Variants in PMPCB observed in about 807,000 individuals in gnomAD.
The protein encoded by PMPCB is peptidase, mitochondrial processing subunit beta.
A neutral mutation model predicts 61.5 loss-of-function variants in PMPCB; 46 were observed. That is an observed-to-expected ratio of 0.75 (90% CI 0.59 to 0.96). The LOEUF (loss-of-function observed/expected upper bound fraction) is 0.96. PMPCB is among the 40% of genes least tolerant of loss of function. The probability of loss-of-function intolerance (pLI) is 0.00; values close to 1 mark genes in which losing one functional copy is unlikely to be tolerated. For synonymous variants in PMPCB, 191 were observed against 201.6 expected (o/e 0.95, Z 0.44); for missense variants, 590 against 602.4 (o/e 0.98, Z 0.22).
chr7:103,325,909 A>C (rs1412418585), intron 12 of PMPCB, among the ~76,000 whole-genome samples: 1 of 152,234 alleles, frequency 6.6e-6, no homozygotes, highest in Non-Finnish European at 1.5e-5. Context: ...CCGATTGATA[A>C]AGAGGAAATC....
intron 3 of PMPCB, 44 bp downstream of exon 3, chr7:103,299,573 A>G: frequency 9.0e-7 from 1 of 1,105,388 alleles, no homozygotes; most frequent in Non-Finnish European, 1.4e-6. Flanking sequence ...TTTAAGAGAT[A>G]ATAAGCACAA....
the PMPCB span, among the ~76,000 whole-genome samples, chr7:103,345,586 CAATT>C: frequency 1.0e-4 from 15 of 150,356 alleles, no homozygotes; most frequent in Non-Finnish European, 2.2e-4. Flanking sequence ...TATATTTTCA[CAATT>C]AAAGTTTTTA....
chr7:103,326,036 T>C (rs928660484), intron 12 of PMPCB, among the ~76,000 whole-genome samples: 2 of 152,042 alleles, frequency 1.3e-5, no homozygotes, highest in African/African-American at 4.8e-5. Context: ...CTCAGTGTAG[T>C]GGCATGACCT....
At chr7:103,319,643 G>A, downstream of PMPCB, 1 of 1,613,930 alleles carries the variant, frequency 6.2e-7, no homozygotes, top group Non-Finnish European at 8.5e-7. Flanking sequence ...TACTTCTTTT[G>A]TGCATGATGT....
chr7:103,327,643 A>G (rs1818777188), intron 12 of PMPCB: 1 of 1,536,282 alleles, frequency 6.5e-7, no homozygotes, highest in Non-Finnish European at 9.0e-7. Flanking sequence ...CTGACTCTAA[A>G]GCATTTTCTT....
chr7:103,308,939 T>A lies in PMPCB; in HGVS notation c.850-13T>A. 1 of 1,548,754 alleles carries A rather than the reference T, an allele frequency of 6.5e-7. No individual in the cohort carries two copies. Among genetic ancestry groups the A allele is most frequent in the Non-Finnish European group, 8.7e-7 (1 of 1,146,952 alleles). On this transcript the variant is annotated splice_polypyrimidine_tract_variant and intron_variant, in intron 7 of 12. Coordinates refer to ENST00000249269, the MANE Select transcript of PMPCB (RefSeq NM_004279.3). ...AATCTTAACTAGAGGTCCTCCTGCT[T>A]TATCTTAACTAGATTCGTGTGAGGG...
In PMPCB at chr7:103,307,685, C is replaced by A. The variant is rs774080956; in HGVS notation, c.826C>A (p.Pro276Thr). Residue 276 changes from proline to threonine, a missense_variant, in exon 7 of 13, where the codon CCC (proline) becomes ACC (threonine). Transcript: ENST00000249269. ...CAAAGGAGAAATACCAGCTCTGCCT[C>A]CCTGCAAATTCACAGGAAGTGAGGT... Reference protein sequence around the residue: ...THKGEIPALPPCKFTGSEIRV... With the variant: ...THKGEIPALPTCKFTGSEIRV... 6.2e-7 allele frequency: 1 copy of A among 1,610,026 alleles called. No homozygotes were observed. The highest frequency in any genetic ancestry group is 1.1e-5 in the South Asian group (1 of 90,972).
the PMPCB span, among the ~76,000 whole-genome samples, chr7:103,338,409 G>A: frequency 6.6e-6 from 1 of 150,584 alleles, no homozygotes; most frequent in Non-Finnish European, 1.5e-5. Context: ...CAATTCTCCT[G>A]CCTCAGCCTT....
intron 12 of PMPCB, chr7:103,320,734 ACT>A (rs1563459793): frequency 7.5e-6 from 1 of 132,494 alleles, no homozygotes; most frequent in East Asian, 2.1e-4. Context: ...ACAGAGCAAG[ACT>A]CTGTCACAAA....
Position 103,312,566 on chromosome 7 carries a change from T to C in PMPCB, c.*295T>C, listed in dbSNP as rs767578478. The C allele has an allele frequency of 5.6e-6, 9 of 1,610,656 alleles. No individual in the cohort carries two copies. Among genetic ancestry groups the C allele is most frequent in the South Asian group, 2.2e-5 (2 of 89,926 alleles). On this transcript the variant is annotated 3_prime_UTR_variant, in exon 13 of 13. Transcript: ENST00000249269. The stretch of plus-strand genomic sequence containing the variant: ...TATAAAAATGCACACACAACAAAGA[T>C]TGTCATTTCTTGGCTCTACTTGCAT...
chr7:103,311,580 T>C (rs1817753298), intron 9 of PMPCB, 63 bp from the exon 10 acceptor site: 3 of 1,151,984 alleles, frequency 2.6e-6, no homozygotes, highest in Non-Finnish European at 3.9e-6. Flanking sequence ...ATCATCATTC[T>C]TAGGTCATTA....
chr7:103,318,932 T>C (rs6971734), downstream of PMPCB, among the ~76,000 whole-genome samples: 34,977 of 152,082 alleles, frequency 0.23, 6,327 homozygotes, highest in African/African-American at 0.51. Flanking sequence ...ATAAACAAAA[T>C]GCAGACTGGG....
downstream of PMPCB, chr7:103,315,976 C>T: frequency 6.3e-7 from 1 of 1,585,976 alleles, no homozygotes. Flanking sequence ...AAATGGACTT[C>T]TCAAAACTCA....
At chr7:103,303,760 G>C in intron 4 of PMPCB, 82 bp from the exon 5 acceptor site, 3 of 916,632 alleles carry the variant, frequency 3.3e-6, no homozygotes, top group Non-Finnish European at 5.0e-6. Flanking sequence ...TCAGTGTCAT[G>C]ATTTCTGATT....
intron 12 of PMPCB, among the ~76,000 whole-genome samples, chr7:103,321,602 C>A (rs1292860828): frequency 6.6e-6 from 1 of 151,902 alleles, no homozygotes; most frequent in African/African-American, 2.4e-5. Context: ...AGTCCCAGCA[C>A]TTTGGGAGGC....
intron 8 of PMPCB, 166 bp downstream of exon 8, chr7:103,309,261 A>T: frequency 1.9e-6 from 1 of 534,126 alleles, no homozygotes; most frequent in Non-Finnish European, 2.9e-6. Flanking sequence ...GTGGGCCAGA[A>T]AAAGTTTCTT....
chr7:103,333,950 C>CTTTTT (rs1563471240), downstream of PMPCB, among the ~76,000 whole-genome samples: 2 of 148,754 alleles, frequency 1.3e-5, no homozygotes, highest in Non-Finnish European at 3.0e-5. Flanking sequence ...CTGTTGTGAA[C>CTTTTT]ATTTTTTTTT....
intron 12 of PMPCB, chr7:103,326,671 T>C (rs1818724773): frequency 6.2e-7 from 1 of 1,606,466 alleles, no homozygotes; most frequent in Non-Finnish European, 8.5e-7. Flanking sequence ...CTGGATCAGA[T>C]AACATTTCAT....
At chr7:103,339,859 A>AT in the PMPCB span, among the ~76,000 whole-genome samples, 9 of 151,810 alleles carry the variant, frequency 5.9e-5, no homozygotes, top group Admixed American at 5.3e-4. Context: ...TTTTTTTGAG[A>AT]TAGAGTTTTG....
Sources: gnomAD v4.1 joint callset for allele counts (sites outside exome capture counted in the v4.1 genomes callset) on GRCh38, gnomAD v4.1.1 for gene constraint, MANE v1.5 for transcripts, NCBI Gene and HGNC (gene_info 2026-07-23, HGNC 2026-07-21) for gene names.